The following NUP133 variants were observed in gnomAD, a reference collection of about 807,000 sequenced individuals.
NUP133 encodes nucleoporin 133, also known as nuclear pore complex protein Nup133.
NUP133 carries 66 observed loss-of-function variants against 146.2 expected under a neutral mutation model. The ratio of observed to expected loss-of-function variants is 0.45; its 90% CI spans 0.37 to 0.55. NUP133 has a LOEUF of 0.55. Among genes scored for constraint, NUP133 ranks in the 20% least tolerant of loss-of-function variants. The probability of loss-of-function intolerance (pLI) is 0.00; values close to 1 mark genes in which losing one functional copy is unlikely to be tolerated. For missense variants in NUP133, 1,277 were observed against 1,374.8 expected, an observed-to-expected ratio of 0.93 and a Z score of 1.12; for synonymous variants, 521 against 498.8, an observed-to-expected ratio of 1.04 and a Z score of -0.59.
At chr1:229,456,843 T>C (rs1448442742) in intron 21 of NUP133, among the ~76,000 whole-genome samples, 7 of 151,598 alleles carry the variant, frequency 4.6e-5, no homozygotes, top group Admixed American at 1.3e-4. Context: ...TTTTTTTTTT[T>C]CTGAGGCAGA....
At chr1:229,506,184 T>C (rs962168851) in intron 1 of NUP133, 26 bp from the exon 2 acceptor site, 7 of 1,292,204 alleles carry the variant, frequency 5.4e-6, no homozygotes, top group Non-Finnish European at 7.6e-6. Flanking sequence ...TATATTACCT[T>C]ACTTGTAACT....
At chr1:229,501,550 C>T (rs754025) in intron 3 of NUP133, among the ~76,000 whole-genome samples, 28,458 of 152,086 alleles carry the variant, frequency 0.19, 2,885 homozygotes, top group Middle Eastern at 0.27. Flanking sequence ...AAATGATAAC[C>T]CACTGTTGGA....
intron 21 of NUP133, among the ~76,000 whole-genome samples, chr1:229,455,707 G>A (rs1414686715): frequency 6.6e-6 from 1 of 152,124 alleles, no homozygotes; most frequent in African/African-American, 2.4e-5. Flanking sequence ...ATGTATATAG[G>A]TAATTTTTTT....
chr1:229,455,841 A>G (rs532849293), intron 21 of NUP133, among the ~76,000 whole-genome samples: 2 of 152,328 alleles, frequency 1.3e-5, no homozygotes, highest in East Asian at 1.9e-4. Context: ...ACATCAATAC[A>G]GTTATATCAT....
chr1:229,473,482 T>C (rs183784283), intron 14 of NUP133, among the ~76,000 whole-genome samples: 1 of 152,308 alleles, frequency 6.6e-6, no homozygotes, highest in East Asian at 1.9e-4. Context: ...CCAGGAAGGC[T>C]GAGACAAGAG....
chr1:229,507,784 C>G (rs994127180), intron 1 of NUP133: 4 of 335,256 alleles, frequency 1.2e-5, no homozygotes, highest in African/African-American at 6.7e-5. Context: ...CCAGATCACA[C>G]GGGTAGTAGG....
chr1:229,491,748 A>C (rs1661520659), intron 8 of NUP133, among the ~76,000 whole-genome samples: 2 of 152,208 alleles, frequency 1.3e-5, no homozygotes, highest in Non-Finnish European at 2.9e-5. Flanking sequence ...ACTGCACTCC[A>C]GCCCGGGCAA....
intron 23 of NUP133, among the ~76,000 whole-genome samples, chr1:229,449,887 T>A (rs866142898): frequency 0.14 from 16,638 of 117,402 alleles, 1,409 homozygotes; most frequent in Middle Eastern, 0.22. Flanking sequence ...TTTTTTTTTT[T>A]TTTTTTTTTT....
rs1450199741 is a variant in NUP133, at chr1:229,440,629, A to G, written c.*1275T>C. The stretch of plus-strand genomic sequence containing the variant: ...CGTAAAAGCAAAGCCTCATCTTACG[A>G]TACAAGTACTCAGCGGTTTCTTACT... On this transcript the variant is annotated 3_prime_UTR_variant, in exon 26 of 26. Coordinates refer to ENST00000261396, the MANE Select transcript of NUP133 (RefSeq NM_018230.3). 2 of 152,288 alleles carry G rather than the reference A, an allele frequency of 1.3e-5. No homozygotes were observed. The highest frequency in any genetic ancestry group is 2.4e-5 in the African/African-American group (1 of 41,442). 9.4% of individuals were successfully genotyped at this position (152,288 alleles called of 1,614,324 possible).
chr1:229,470,885 C>T (rs1289961067), intron 14 of NUP133, 81 bp from the exon 15 acceptor site: 1 of 1,262,558 alleles, frequency 7.9e-7, no homozygotes, highest in South Asian at 1.3e-5. Flanking sequence ...TCCCCAGAAG[C>T]ACCCTGGGCA....
intron 15 of NUP133, among the ~76,000 whole-genome samples, chr1:229,467,656 G>A (rs185807434): frequency 9.9e-5 from 15 of 152,224 alleles, no homozygotes; most frequent in African/African-American, 9.6e-5. Context: ...TATAATGGCC[G>A]GGTGCGGTGG....
intron 12 of NUP133, among the ~76,000 whole-genome samples, chr1:229,481,473 C>G (rs1441675416): frequency 2.0e-5 from 3 of 152,108 alleles, no homozygotes; most frequent in African/African-American, 7.2e-5. Flanking sequence ...CTCTGGGAGG[C>G]TGTGGTGGGT....
At chr1:229,451,242 TATAAAA>T (rs1660441733) in intron 22 of NUP133, among the ~76,000 whole-genome samples, 1 of 151,734 alleles carries the variant, frequency 6.6e-6, no homozygotes, top group South Asian at 2.1e-4. Flanking sequence ...CTACAAAAAG[TATAAAA>T]ATTAGCTGGG....
intron 5 of NUP133, among the ~76,000 whole-genome samples, chr1:229,498,800 T>C (rs1160544196): frequency 6.6e-6 from 1 of 151,524 alleles, no homozygotes; most frequent in East Asian, 1.9e-4. Flanking sequence ...CAGAAAAAAA[T>C]TGCATATTTT....
intron 8 of NUP133, 49 bp downstream of exon 8, chr1:229,495,445 AT>A: frequency 7.7e-7 from 1 of 1,295,422 alleles, no homozygotes. Flanking sequence ...ACATCAACTT[AT>A]TTTTTCCAAA....
intron 5 of NUP133, 25 bp from the exon 6 acceptor site, chr1:229,498,331 G>C: frequency 6.6e-7 from 1 of 1,524,422 alleles, no homozygotes; most frequent in African/African-American, 1.4e-5. Context: ...TATGAGGTTA[G>C]TTCAGTTTAG....
intron 14 of NUP133, among the ~76,000 whole-genome samples, chr1:229,472,632 A>G (rs1161660926): frequency 1.3e-5 from 2 of 148,906 alleles, no homozygotes; most frequent in Non-Finnish European, 3.0e-5. Flanking sequence ...ACAGTGAGCT[A>G]TGATCATGCC....
intron 11 of NUP133, 113 bp downstream of exon 11, chr1:229,486,258 G>T: frequency 1.1e-6 from 1 of 892,930 alleles, no homozygotes. Flanking sequence ...GGAGTTTGGG[G>T]CTGCAATGAA....
At chr1:229,445,970 C>G (rs1217105596) in intron 24 of NUP133, among the ~76,000 whole-genome samples, 1 of 152,160 alleles carries the variant, frequency 6.6e-6, no homozygotes, top group Non-Finnish European at 1.5e-5. Context: ...TTTTAGCAGT[C>G]AATTCATGCT....
Sources: allele counts gnomAD v4.1 joint callset (sites outside exome capture counted in the v4.1 genomes callset), GRCh38; gene constraint gnomAD v4.1.1; transcripts MANE v1.5; gene names NCBI Gene and HGNC (gene_info 2026-07-23, HGNC 2026-07-21).